The following ASCC1 variants were observed in gnomAD, a reference collection of about 807,000 sequenced individuals.
ASCC1 encodes the protein ASC-1 complex subunit P50.
ASCC1 carries 35 observed loss-of-function variants against 46.6 expected under a neutral mutation model. The observed-to-expected ratio is 0.75, with a 90% confidence interval of 0.57 to 0.99. The LOEUF (loss-of-function observed/expected upper bound fraction) is 0.99, where lower values mean the gene tolerates loss of function less well. ASCC1 is among the 50% of genes least tolerant of loss of function. The probability of loss-of-function intolerance (pLI) is 0.00; values close to 1 mark genes in which losing one functional copy is unlikely to be tolerated. For missense variants in ASCC1, 376 were observed against 428.7 expected (o/e 0.88, Z 1.09); for synonymous variants, 143 against 146.6 (o/e 0.98, Z 0.18).
intron 7 of ASCC1, among the ~76,000 whole-genome samples, chr10:72,138,322 T>C (rs1369641428): frequency 6.6e-6 from 1 of 152,196 alleles, no homozygotes; most frequent in East Asian, 1.9e-4. Flanking sequence ...AAACTGAACA[T>C]GAAACACGAA....
At chr10:72,202,467 CAAA>C (rs199869822) in intron 4 of ASCC1, among the ~76,000 whole-genome samples, 2 of 130,032 alleles carry the variant, frequency 1.5e-5, no homozygotes, top group Admixed American at 8.0e-5. Context: ...GACTCTGTCT[CAAA>C]AAAAAAAAAA....
At chr10:72,107,615 C>T (rs970067239) in intron 9 of ASCC1, among the ~76,000 whole-genome samples, 1 of 152,208 alleles carries the variant, frequency 6.6e-6, no homozygotes, top group Non-Finnish European at 1.5e-5. Context: ...TAAGGTAAGT[C>T]ATGCTCCTCT....
intron 7 of ASCC1, among the ~76,000 whole-genome samples, chr10:72,137,482 T>G (rs189075322): frequency 1.7e-4 from 23 of 138,282 alleles, no homozygotes; most frequent in African/African-American, 6.2e-4. Context: ...GAGCCAAGAT[T>G]GCGCCATTGC....
At chr10:72,106,628 CT>C (rs1392036532) in intron 9 of ASCC1, among the ~76,000 whole-genome samples, 2 of 152,200 alleles carry the variant, frequency 1.3e-5, no homozygotes, top group African/African-American at 4.8e-5. Flanking sequence ...CTGACAAGTA[CT>C]TTGAGCTCTT....
At chr10:72,190,058 C>A in intron 5 of ASCC1, 1 of 757,942 alleles carries the variant, frequency 1.3e-6, no homozygotes. Context: ...CCACAGTGCT[C>A]CCCACCCCAC....
chr10:72,107,781 T>G (rs921360), intron 9 of ASCC1, among the ~76,000 whole-genome samples: 4,412 of 152,346 alleles, frequency 0.029, 91 homozygotes, highest in Non-Finnish European at 0.044. Context: ...GTTGGAATCT[T>G]AACATATTGT....
intron 9 of ASCC1, among the ~76,000 whole-genome samples, chr10:72,125,824 T>C: frequency 6.6e-6 from 1 of 152,240 alleles, no homozygotes; most frequent in Non-Finnish European, 1.5e-5. Flanking sequence ...TTTTATATTC[T>C]AATTGTCTAT....
intron 5 of ASCC1, among the ~76,000 whole-genome samples, chr10:72,170,593 CAAAAAAA>C (rs1038487604): frequency 5.1e-5 from 3 of 58,868 alleles, no homozygotes; most frequent in South Asian, 5.8e-4. Context: ...GACTGTATCT[CAAAAAAA>C]AAAAAAAAAA....
intron 1 of ASCC1, among the ~76,000 whole-genome samples, chr10:72,214,207 C>A (rs374976591): frequency 2.4e-4 from 35 of 145,886 alleles, no homozygotes; most frequent in African/African-American, 5.7e-4. Context: ...ACAACAACAA[C>A]AAAAAAAAGA....
chr10:72,146,000 A>C (rs886295808), intron 7 of ASCC1, among the ~76,000 whole-genome samples: 1 of 152,200 alleles, frequency 6.6e-6, no homozygotes, highest in African/African-American at 2.4e-5. Flanking sequence ...TTCTATTGGA[A>C]AATAATGCTC....
intron 7 of ASCC1, among the ~76,000 whole-genome samples, chr10:72,134,671 C>T (rs1401783345): frequency 2.0e-5 from 3 of 152,222 alleles, no homozygotes; most frequent in African/African-American, 7.2e-5. Context: ...ATCACCTTCA[C>T]TTCTTTGACT....
intron 3 of ASCC1, among the ~76,000 whole-genome samples, chr10:72,206,518 G>A (rs568804082): frequency 1.2e-4 from 18 of 152,310 alleles, no homozygotes; most frequent in Admixed American, 3.9e-4. Context: ...CCAATAAGTG[G>A]CACAGAGCTC....
chr10:72,161,388 G>C, intron 6 of ASCC1, 150 bp downstream of exon 6: 3 of 911,026 alleles, frequency 3.3e-6, no homozygotes. Flanking sequence ...TCTGGTATGA[G>C]AGGTTAGCCT....
intron 8 of ASCC1, among the ~76,000 whole-genome samples, chr10:72,131,439 T>TACACATAC (rs1227802075): frequency 6.5e-5 from 9 of 139,420 alleles, no homozygotes; most frequent in African/African-American, 2.5e-4. Context: ...AAAATAAAAA[T>TACACATAC]ACACACACAC....
intron 9 of ASCC1, among the ~76,000 whole-genome samples, chr10:72,122,697 G>A (rs1044669044): frequency 6.6e-6 from 1 of 150,674 alleles, no homozygotes; most frequent in Admixed American, 6.6e-5. Context: ...AGGATTACTT[G>A]AGTCCATGAG....
At chr10:72,112,674 T>C (rs11813355) in intron 9 of ASCC1, among the ~76,000 whole-genome samples, 6,363 of 151,908 alleles carry the variant, frequency 0.042, 468 homozygotes, top group African/African-American at 0.14. Flanking sequence ...TTGAGGTCAG[T>C]AGTTCAAGAC....
intron 5 of ASCC1, among the ~76,000 whole-genome samples, chr10:72,172,435 A>G (rs1187494796): frequency 6.7e-6 from 1 of 149,834 alleles, no homozygotes; most frequent in Non-Finnish European, 1.5e-5. Flanking sequence ...AAAAAAAAAA[A>G]GAAAAACTCT....
upstream of ASCC1, chr10:72,217,055 C>G (rs1331101223): frequency 8.8e-6 from 4 of 454,172 alleles, no homozygotes; most frequent in Non-Finnish European, 1.3e-5. Flanking sequence ...GTTCATCATT[C>G]ATTCATCCGA....
At chr10:72,137,691 T>C (rs552989188) in intron 7 of ASCC1, among the ~76,000 whole-genome samples, 31 of 152,204 alleles carry the variant, frequency 2.0e-4, no homozygotes, top group African/African-American at 7.2e-4. Flanking sequence ...ATGAAAAAAG[T>C]ACGAAAAGCA....
Sources: gnomAD v4.1 joint callset for allele counts (sites outside exome capture counted in the v4.1 genomes callset) on GRCh38, gnomAD v4.1.1 for gene constraint, MANE v1.5 for transcripts, NCBI Gene and HGNC (gene_info 2026-07-23, HGNC 2026-07-21) for gene names.